The following LMNTD1 variants were observed in gnomAD, a reference collection of about 807,000 sequenced individuals.
LMNTD1 encodes lamin tail domain containing 1.
LMNTD1 carries 35 observed loss-of-function variants against 50.9 expected under a neutral mutation model. The observed-to-expected ratio is 0.69, with a 90% CI of 0.53 to 0.91. The LOEUF (loss-of-function observed/expected upper bound fraction) is 0.91, where lower values mean the gene tolerates loss of function less well. Among genes scored for constraint, LMNTD1 ranks in the 40% least tolerant of loss-of-function variants. The pLI is 0.00. For missense variants in LMNTD1, 470 were observed against 475.5 expected, an observed-to-expected ratio of 0.99 and a Z score of 0.11; for synonymous variants, 153 against 161.9, an observed-to-expected ratio of 0.94 and a Z score of 0.42.
rs74622763 is a variant in LMNTD1, at chr12:25,522,799, C to T, written c.799-2724G>A. Among the ~76,000 whole-genome samples, 1,332 of 152,104 alleles carry T rather than the reference C, an allele frequency of 8.8e-3. 12 individuals carry two copies. The highest frequency in any genetic ancestry group is 0.011 in the Non-Finnish European group (778 of 68,008). On this transcript the variant is annotated intron_variant, in intron 6 of 9. Transcript: ENST00000458174. ...TGTCCCTGCTTTAAAGGTCCATAGA[C>T]TCATGGAATCTTAGTGATTATATTA... is the stretch of plus-strand genomic sequence containing the variant.
In LMNTD1 at chr12:25,604,236, C is replaced by G. The variant is rs1282293774; in HGVS notation, c.58+44258G>C. Among the ~76,000 whole-genome samples the G allele has an allele frequency of 6.6e-5, 10 of 152,044 alleles. No individual in the cohort carries two copies. In the East Asian group the frequency reaches 1.9e-3, roughly 29 times the overall value. On this transcript the variant is annotated intron_variant, in intron 1 of 7. Transcript: ENST00000445693. Reference sequence around the variant, plus strand: ...TTTCACTTCTTTGTTTAAATTCTACCACTTATGGCCACATGGGACAAAAGA... The same window carrying G: ...TTTCACTTCTTTGTTTAAATTCTACGACTTATGGCCACATGGGACAAAAGA...
At chr12:25,535,509 C>A (rs1353174273) in intron 4 of LMNTD1, among the ~76,000 whole-genome samples, 1 of 151,848 alleles carries the variant, frequency 6.6e-6, no homozygotes, top group Non-Finnish European at 1.5e-5. Context: ...GAAATTTACA[C>A]CAGGCACATC....
At chr12:25,632,214 T>C (rs1333722701) in intron 1 of LMNTD1, among the ~76,000 whole-genome samples, 1 of 152,144 alleles carries the variant, frequency 6.6e-6, no homozygotes, top group African/African-American at 2.4e-5. Flanking sequence ...TTCCAAAAGC[T>C]TGGAAAACAT....
At chr12:25,515,188 A>AT (rs5797138) in intron 8 of LMNTD1, among the ~76,000 whole-genome samples, 109,082 of 151,214 alleles carry the variant, frequency 0.72, 40,798 homozygotes, top group East Asian at 0.88. Flanking sequence ...GACTTGGTAA[A>AT]TTTTTTTTTA....
chr12:25,517,414 G>A (rs1302952418), intron 8 of LMNTD1, among the ~76,000 whole-genome samples: 1 of 52,446 alleles, frequency 1.9e-5, no homozygotes, highest in Non-Finnish European at 5.4e-5. Context: ...GTAGGGACAT[G>A]GATGAAATTG....
chr12:25,487,571 G>T (rs1832037020), intron 9 of LMNTD1, among the ~76,000 whole-genome samples: 2 of 138,978 alleles, frequency 1.4e-5, no homozygotes, highest in Middle Eastern at 3.6e-3. Flanking sequence ...ACACTGATAG[G>T]TCTTGACTCT....
chr12:25,519,532 G>A (rs1166294022), intron 7 of LMNTD1, among the ~76,000 whole-genome samples: 4 of 142,626 alleles, frequency 2.8e-5, no homozygotes, highest in African/African-American at 5.2e-5. Flanking sequence ...AGCCTGCAGT[G>A]AGCCGAGATG....
intron 1 of LMNTD1, among the ~76,000 whole-genome samples, chr12:25,563,850 G>C (rs995905447): frequency 6.6e-6 from 1 of 152,102 alleles, no homozygotes; most frequent in Non-Finnish European, 1.5e-5. Flanking sequence ...AATGGTGGGC[G>C]CCCCTCCCCC....
intron 9 of LMNTD1, among the ~76,000 whole-genome samples, chr12:25,491,958 G>A (rs1262750944): frequency 6.6e-6 from 1 of 152,146 alleles, no homozygotes; most frequent in African/African-American, 2.4e-5. Context: ...GCTAATTGAG[G>A]CAGTGATTGC....
At chr12:25,641,500 G>T (rs12314931) in intron 1 of LMNTD1, among the ~76,000 whole-genome samples, 16,883 of 152,084 alleles carry the variant, frequency 0.11, 1,509 homozygotes, top group African/African-American at 0.24. Flanking sequence ...AGTTAAAGGG[G>T]AATAACATAA....
chr12:25,506,477 C>T (rs1039351506), intron 8 of LMNTD1, among the ~76,000 whole-genome samples: 1 of 152,080 alleles, frequency 6.6e-6, no homozygotes, highest in Non-Finnish European at 1.5e-5. Flanking sequence ...ATGCAAAATA[C>T]TATCTTCAGA....
At chr12:25,598,835 G>C (rs1049866098) in intron 1 of LMNTD1, among the ~76,000 whole-genome samples, 2 of 151,854 alleles carry the variant, frequency 1.3e-5, no homozygotes, top group African/African-American at 4.8e-5. Context: ...CCAATAACAA[G>C]TAACAAAATT....
At chr12:25,482,815 CAATTA>C (rs1591815786) in intron 9 of LMNTD1, among the ~76,000 whole-genome samples, 2 of 152,012 alleles carry the variant, frequency 1.3e-5, no homozygotes, top group East Asian at 3.9e-4. Context: ...CAGCTGTTGA[CAATTA>C]AATTAATTAT....
chr12:25,520,051 G>A lies in LMNTD1; in HGVS notation c.823C>T (p.His275Tyr). 6.2e-7 allele frequency: 1 copy of A among 1,611,730 alleles called. No homozygotes were observed. The highest frequency in any genetic ancestry group is 8.5e-7 in the Non-Finnish European group (1 of 1,179,176). Residue 275 changes from histidine to tyrosine, a missense_variant, in exon 7 of 10, where the codon CAC becomes TAC. By Grantham distance (83) the His-to-Tyr change is moderately conservative (BLOSUM62 2). Coordinates refer to ENST00000458174, the MANE Select transcript of LMNTD1 (RefSeq NM_001145728.2). ...GQAIAWYTPI[H>Y]WKQAWEKLDA... ...AATTTTTCCCACGCTTGCTTCCAGTGGATAGGGGTGTACCACGCAATGGCC... is the reference window on the plus strand; with the variant it reads ...AATTTTTCCCACGCTTGCTTCCAGTAGATAGGGGTGTACCACGCAATGGCC...
rs867628535 is a variant in LMNTD1 at position 25,619,248 on chromosome 12, C to A, written c.58+29246G>T. Among the ~76,000 whole-genome samples the A allele has an allele frequency of 5.2e-3, 404 of 78,300 alleles. 1 individual carries two copies. Among genetic ancestry groups the A allele is most frequent in the African/African-American group, 0.017 (327 of 19,276 alleles). 51.4% of individuals were successfully genotyped at this position (78,300 alleles called of 152,430 possible). On this transcript the variant is annotated intron_variant, in intron 1 of 7. Coordinates refer to the LMNTD1 transcript ENST00000445693. ...TCTCTCTCTCTCTCTCTCTCTCTCT[C>A]TCTCTATATATATATATATATATAT...
chr12:25,532,361 AT>A (rs1423619862), intron 4 of LMNTD1, among the ~76,000 whole-genome samples: 1 of 152,166 alleles, frequency 6.6e-6, no homozygotes, highest in Non-Finnish European at 1.5e-5. Context: ...TTACTCTTCC[AT>A]CTTTCCTTGA....
At chr12:25,496,354 C>T (rs1297070002) in intron 9 of LMNTD1, among the ~76,000 whole-genome samples, 3 of 152,174 alleles carry the variant, frequency 2.0e-5, no homozygotes, top group African/African-American at 7.2e-5. Flanking sequence ...ATTGTACACT[C>T]TTAAATTTCC....
At chr12:25,637,457 A>G (rs1946860310) in intron 1 of LMNTD1, among the ~76,000 whole-genome samples, 1 of 152,188 alleles carries the variant, frequency 6.6e-6, no homozygotes, top group Non-Finnish European at 1.5e-5. Flanking sequence ...CTGGCATTAA[A>G]AATATGGTAA....
intron 8 of LMNTD1, among the ~76,000 whole-genome samples, chr12:25,510,162 C>T (rs978822702): frequency 8.0e-5 from 12 of 150,394 alleles, no homozygotes; most frequent in Admixed American, 8.0e-4. Flanking sequence ...CTCTATAGCT[C>T]TGCGCATTCA....
Sources: allele counts gnomAD v4.1 joint callset (sites outside exome capture counted in the v4.1 genomes callset), GRCh38; gene constraint gnomAD v4.1.1; transcripts MANE v1.5; gene names NCBI Gene and HGNC (gene_info 2026-07-23, HGNC 2026-07-21).